Variants in TCF3 observed in about 807,000 individuals in gnomAD.
The protein encoded by TCF3 is transcription factor 3.
In TCF3, 54 loss-of-function variants were observed where a neutral mutation model predicts 72.3. The observed-to-expected ratio is 0.75, with a 90% CI of 0.60 to 0.94. The LOEUF is 0.94. TCF3 is among the 40% of genes least tolerant of loss of function. The pLI, the probability that TCF3 is intolerant of heterozygous loss-of-function variation, is 0.00. For synonymous variants in TCF3, 525 were observed against 412.6 expected, an observed-to-expected ratio of 1.27 and a Z score of -3.30; for missense variants, 1,078 against 934.4, an observed-to-expected ratio of 1.15 and a Z score of -2.00.
chr19:1,621,697 C>T, intron 11 of TCF3, 141 bp downstream of exon 11: 2 of 1,150,294 alleles, frequency 1.7e-6, no homozygotes, highest in Non-Finnish European at 2.4e-6. Flanking sequence ...AGACAGCGGA[C>T]AATGAGAACT....
At chr19:1,646,455 C>T (rs952036869) in intron 2 of TCF3, 28 bp from the exon 3 acceptor site, 18 of 1,327,830 alleles carry the variant, frequency 1.4e-5, no homozygotes, top group African/African-American at 1.3e-4. Flanking sequence ...GAGACGTGAG[C>T]GGGGCGGGTG....
At chr19:1,625,378 G>A (rs1325836162) in intron 7 of TCF3, among the ~76,000 whole-genome samples, 198 bp downstream of exon 7, 2 of 152,234 alleles carry the variant, frequency 1.3e-5, no homozygotes, top group Non-Finnish European at 2.9e-5. Context: ...CTCCCTGGAC[G>A]TGCCACGCCC....
intron 1 of TCF3, chr19:1,651,238 C>T (rs1249258699): frequency 8.8e-6 from 2 of 228,454 alleles, no homozygotes; most frequent in Admixed American, 1.1e-4. Flanking sequence ...CGACTTTCCC[C>T]AGGGGTCCCC....
intron 5 of TCF3, 87 bp downstream of exon 5, chr19:1,631,951 C>G (rs765700860): frequency 3.9e-6 from 6 of 1,554,348 alleles, no homozygotes; most frequent in Middle Eastern, 1.8e-4. Context: ...GGGGACTTGC[C>G]TGGCGCTGTG....
In TCF3 at chr19:1,610,895, T is replaced by G. The variant is rs2060931048; in HGVS notation, c.*812A>C. On this transcript the variant is annotated 3_prime_UTR_variant, in exon 19 of 19. Transcript: ENST00000262965. Reference sequence around the variant, plus strand: ...AAAAAAACAAAAGACCCGCCGCCTGTCCCCGTTCTGTCTGTGTGCAGTGGC... The same window carrying G: ...AAAAAAACAAAAGACCCGCCGCCTGGCCCCGTTCTGTCTGTGTGCAGTGGC... 1 of 123,520 alleles carries G rather than the reference T, an allele frequency of 8.1e-6. No individual in the cohort carries two copies. The highest frequency in any genetic ancestry group is 3.0e-4 in the South Asian group (1 of 3,330). 7.7% of individuals were successfully genotyped at this position (123,520 alleles called of 1,614,324 possible). A position where few individuals can be genotyped will look rare whatever the true frequency, so the allele number is the denominator to read the frequency against.
intron 5 of TCF3, among the ~76,000 whole-genome samples, chr19:1,630,103 G>A (rs2063517520): frequency 6.6e-6 from 1 of 152,236 alleles, no homozygotes. Flanking sequence ...GGTGGGACAT[G>A]GCTGGGCTCT....
intron 11 of TCF3, 94 bp downstream of exon 11, chr19:1,621,744 G>A (rs1018683298): frequency 7.0e-7 from 1 of 1,427,680 alleles, no homozygotes; most frequent in Non-Finnish European, 9.2e-7. Context: ...AGACGCGCCT[G>A]CGCCTCCCGT....
At chr19:1,625,437 C>G in intron 7 of TCF3, 139 bp downstream of exon 7, 1 of 1,167,094 alleles carries the variant, frequency 8.6e-7, no homozygotes, top group Non-Finnish European at 1.1e-6. Context: ...TCCCACGGCC[C>G]GAGCGCCCGA....
In TCF3 at chr19:1,632,392, C is replaced by T. The variant is rs1307330156; in HGVS notation, c.159G>A (p.Arg53=). The T allele has an allele frequency of 1.5e-5, 24 of 1,595,188 alleles. No homozygotes were observed. Among genetic ancestry groups the T allele is most frequent in the Non-Finnish European group, 2.0e-5 (24 of 1,171,426 alleles). The change falls in exon 4 of 19, where the codon CGG becomes CGA. Residue 53 remains arginine (R), a synonymous_variant. Transcript: ENST00000262965. ...CGCTGCCCCAGGAGCCTGAGCTGGG[C>T]CGGTCCTCAAGACCTGCAGGCAGGA... ...AQFGGSGLED[R]PSSGSWGSGD... is the part of the protein sequence containing the mutation.
In TCF3 at chr19:1,614,982, C is replaced by T. The variant is rs368006728; in HGVS notation, c.1822+303G>A. Reference sequence around the variant, plus strand: ...GGAGGACCACGGCGAGTGGGAGCCCCGTGGAGCTGGGAGATACAGTTCTGA... The same window carrying T: ...GGAGGACCACGGCGAGTGGGAGCCCTGTGGAGCTGGGAGATACAGTTCTGA... On this transcript the variant is annotated intron_variant, in intron 18 of 18. Coordinates refer to ENST00000262965, the MANE Select transcript of TCF3 (RefSeq NM_003200.5). The surrounding 1 kb of genome is among the most constrained non-coding windows in gnomAD (Gnocchi z 5.6). 2.6e-5 allele frequency among the ~76,000 whole-genome samples: 4 copies of T among 152,040 alleles called. No homozygotes were observed. Among genetic ancestry groups the T allele is most frequent in the Admixed American group, 6.5e-5 (1 of 15,272 alleles).
intron 1 of TCF3, chr19:1,650,613 C>A (rs1175106378): frequency 3.7e-6 from 1 of 273,102 alleles, no homozygotes; most frequent in Non-Finnish European, 6.9e-6. Context: ...GCACGCAGGG[C>A]AGCCAGAACC....
intron 5 of TCF3, among the ~76,000 whole-genome samples, chr19:1,630,046 C>T (rs578003935): frequency 1.2e-4 from 18 of 152,342 alleles, no homozygotes; most frequent in African/African-American, 4.1e-4. Flanking sequence ...CGCCTGCCCT[C>T]TCCAAGCTGC....
chr19:1,646,096 AG>A (rs1257205446), intron 3 of TCF3, among the ~76,000 whole-genome samples: 2 of 151,924 alleles, frequency 1.3e-5, no homozygotes, highest in Non-Finnish European at 2.9e-5. Context: ...AGCCCCACCC[AG>A]CCCCCAGACC....
chr19:1,650,417 C>A (rs1338941626), intron 1 of TCF3, 130 bp from the exon 2 acceptor site: 9 of 666,664 alleles, frequency 1.4e-5, no homozygotes, highest in East Asian at 2.8e-5. Context: ...TGAGTTCCAG[C>A]AGAGCCCTGG....
At chr19:1,641,762 CT>C (rs542594026) in intron 3 of TCF3, among the ~76,000 whole-genome samples, 1 of 151,082 alleles carries the variant, frequency 6.6e-6, no homozygotes, top group Non-Finnish European at 1.5e-5. Context: ...TGAAATTTTT[CT>C]TTTTTTTTAA....
chr19:1,632,403 G>C lies in TCF3; in HGVS notation c.148C>G (p.Leu50Val). 1 of 1,592,258 alleles carries C rather than the reference G, an allele frequency of 6.3e-7. No homozygotes were observed. Among genetic ancestry groups the C allele is most frequent in the Non-Finnish European group, 8.5e-7 (1 of 1,169,784 alleles). The change falls in exon 4 of 19, where the codon CTT becomes GTT. Residue 50 changes from leucine to valine, a missense_variant and splice_region_variant. Transcript: ENST00000262965. ...GAGCCTGAGCTGGGCCGGTCCTCAA[G>C]ACCTGCAGGCAGGACAGAGAGAGTT... ...LAGAQFGGSG[L>V]EDRPSSGSWG...
At chr19:1,624,682 T>C (rs1464710331) in intron 7 of TCF3, among the ~76,000 whole-genome samples, 2 of 152,158 alleles carry the variant, frequency 1.3e-5, no homozygotes, top group Non-Finnish European at 2.9e-5. Context: ...CTCAGGCGCC[T>C]TCCTGATCAC....
intron 5 of TCF3, among the ~76,000 whole-genome samples, chr19:1,627,631 C>G (rs543562480): frequency 6.6e-6 from 1 of 152,126 alleles, no homozygotes; most frequent in Non-Finnish European, 1.5e-5. Flanking sequence ...CAGAGCCCTG[C>G]CCTCAGTGTG....
At chr19:1,634,325 G>C (rs2064108017) in intron 3 of TCF3, among the ~76,000 whole-genome samples, 1 of 152,258 alleles carries the variant, frequency 6.6e-6, no homozygotes, top group African/African-American at 2.4e-5. Context: ...ACTGCTGTCA[G>C]AGTGTGGTTT....
Sources: gnomAD v4.1 joint callset for allele counts (sites outside exome capture counted in the v4.1 genomes callset) on GRCh38, gnomAD v4.1.1 for gene constraint, Gnocchi (gnomAD v3.1) non-coding constraint, MANE v1.5 for transcripts, NCBI Gene and HGNC (gene_info 2026-07-23, HGNC 2026-07-21) for gene names.